Variants in HMCN2 observed in about 807,000 individuals in gnomAD.
The protein encoded by HMCN2 is hemicentin-2.
HMCN2 carries 325 observed loss-of-function variants against 377.5 expected under a neutral mutation model. The observed-to-expected ratio is 0.86, with a 90% CI of 0.79 to 0.94. HMCN2 has a LOEUF of 0.94. HMCN2 is among the 40% of genes least tolerant of loss of function. The pLI, the probability that HMCN2 is intolerant of heterozygous loss-of-function variation, is 0.00. For synonymous variants in HMCN2, 2,007 were observed against 2,046.8 expected (o/e 0.98, Z 0.53); for missense variants, 4,543 against 4,725.3 (o/e 0.96, Z 1.13).
At chr9:130,345,745 G>A (rs968641274) in intron 25 of HMCN2, among the ~76,000 whole-genome samples, 23,830 of 151,840 alleles carry the variant, frequency 0.16, 2,001 homozygotes, top group African/African-American at 0.2. Context: ...ACGGGCACAG[G>A]GGGATTCAGT....
In HMCN2 at chr9:130,308,498, G is replaced by T. The variant is rs1268531191; in HGVS notation, c.2200+932G>T. Among the ~76,000 whole-genome samples, 1 of 152,172 alleles carries T rather than the reference G, an allele frequency of 6.6e-6. No individual in the cohort carries two copies. Among genetic ancestry groups the T allele is most frequent in the Non-Finnish European group, 1.5e-5 (1 of 68,034 alleles). On this transcript the variant is annotated intron_variant, in intron 14 of 97. Coordinates refer to ENST00000683500, the MANE Select transcript of HMCN2 (RefSeq NM_001291815.2). The surrounding 1 kb of genome is among the most constrained non-coding windows in gnomAD (Gnocchi z 4.1). ...CAGTACGCTGGGCTCCCTCTCGAGG[G>T]TCAACCGGGGTCAGCAATACTGTCC...
intron 46 of HMCN2, among the ~76,000 whole-genome samples, chr9:130,371,414 G>GAAAAA (rs10659347): frequency 6.8e-6 from 1 of 147,014 alleles, no homozygotes; most frequent in Non-Finnish European, 1.5e-5. Context: ...AAGTCCTGCA[G>GAAAAA]AAAAAAAAAA....
chr9:130,318,386 G>C (rs1451334692), intron 15 of HMCN2, among the ~76,000 whole-genome samples: 1 of 152,202 alleles, frequency 6.6e-6, no homozygotes, highest in Non-Finnish European at 1.5e-5. Context: ...AGGGGCCTGG[G>C]ACAAGGACCT....
intron 85 of HMCN2, among the ~76,000 whole-genome samples, chr9:130,413,367 C>T (rs1161955088): frequency 1.3e-5 from 2 of 152,100 alleles, no homozygotes; most frequent in Non-Finnish European, 2.9e-5. Flanking sequence ...CACCATGGGG[C>T]GTGATGTTAG....
chr9:130,354,875 C>T lies in HMCN2; in HGVS notation c.4977C>T (p.Ser1659=), dbSNP rs1403715984. The T allele has an allele frequency of 1.2e-5, 16 of 1,304,308 alleles. No homozygotes were observed. Among genetic ancestry groups the T allele is most frequent in the Non-Finnish European group, 1.6e-5 (16 of 988,956 alleles). 80.8% of individuals were successfully genotyped at this position (1,304,308 alleles called of 1,614,324 possible). Reference sequence around the variant, plus strand: ...GAGGCCACCCGTCCCCCACCCTCTCCTGGCACCACGAGGGGCTGCCCGTGG... The same window carrying T: ...GAGGCCACCCGTCCCCCACCCTCTCTTGGCACCACGAGGGGCTGCCCGTGG... The part of the protein sequence containing the change: ...VARGHPSPTL[S]WHHEGLPVAE... Residue 1659 remains serine, a synonymous_variant, in exon 32 of 98, where the codon TCC becomes TCT. Transcript: ENST00000683500.
rs1836621262 is a variant in HMCN2, at chr9:130,303,277, A to G, written c.1422-210A>G. Among the ~76,000 whole-genome samples, 1 of 152,158 alleles carries G rather than the reference A, an allele frequency of 6.6e-6. No individual in the cohort carries two copies. Among genetic ancestry groups the G allele is most frequent in the Non-Finnish European group, 1.5e-5 (1 of 68,018 alleles). On this transcript the variant is annotated intron_variant, in intron 9 of 97. Transcript: ENST00000683500. The surrounding 1 kb of genome is among the most constrained non-coding windows in gnomAD (Gnocchi z 5.2). ...CATGTGTCAGGGCAGGAAGGATGGG[A>G]GCCCAGGACTCAGAGAGAGGAAGGG...
intron 31 of HMCN2, among the ~76,000 whole-genome samples, chr9:130,354,517 G>A (rs914973): frequency 0.28 from 42,856 of 152,106 alleles, 7,428 homozygotes; most frequent in East Asian, 0.53. Context: ...TGGGCTTGCC[G>A]GGGTAGCAGC....
In HMCN2 at chr9:130,393,911, G is replaced by T. The variant is rs987117093; in HGVS notation, c.10404G>T (p.Gln3468His). The change falls in exon 68 of 98, where the codon CAG (glutamine) becomes CAT (histidine). Residue 3468 changes from glutamine (Q) to histidine (H), a missense_variant. This residue lies in a region of HMCN2 where 1,073 missense variants were observed against 1,319.5 expected (regional missense o/e 0.81). Coordinates refer to ENST00000683500, the MANE Select transcript of HMCN2 (RefSeq NM_001291815.2). The surrounding 1 kb of genome is among the most constrained non-coding windows in gnomAD (Gnocchi z 5.2). ...GCCTCGAGCAGGGGCCCAGCCTGCA[G>T]CTGGAGGCAGTGGGAGCTGGTGACT... is the stretch of plus-strand genomic sequence containing the variant. ...SQSLEQGPSLQLEAVGAGDSG... is the reference protein window; with the variant it reads ...SQSLEQGPSLHLEAVGAGDSG... 7.8e-7 allele frequency: 1 copy of T among 1,289,468 alleles called. No homozygotes were observed. Among genetic ancestry groups the T allele is most frequent in the Admixed American group, 2.3e-5 (1 of 43,490 alleles). The allele number at this position is 1,289,468 out of a possible 1,614,324, so 79.9% of individuals were successfully genotyped here.
chr9:130,407,596 CA>C lies in HMCN2; in HGVS notation c.12580del (p.Ser4194AlafsTer35). ...AAGGGGTGTCTGAGCAGGATGGAGGCAGCACGCTGCAGCGGGCCGCTGTCTC... is the reference window on the plus strand; with the variant it reads ...AAGGGGTGTCTGAGCAGGATGGAGGCGCACGCTGCAGCGGGCCGCTGTCTC... ...TEGVSEQDGG[S>X]TLQRAAVSRE... On this transcript the variant is annotated frameshift_variant, in exon 83 of 98. Coordinates refer to ENST00000683500, the MANE Select transcript of HMCN2 (RefSeq NM_001291815.2). LOFTEE classifies it high-confidence loss of function. The C allele has an allele frequency of 7.8e-7, 1 of 1,289,444 alleles. No individual in the cohort carries two copies. The allele number at this position is 1,289,444 out of a possible 1,614,324, so 79.9% of individuals were successfully genotyped here.
chr9:130,272,441 A>C (rs952812749), intron 1 of HMCN2, among the ~76,000 whole-genome samples: 1 of 125,800 alleles, frequency 7.9e-6, no homozygotes, highest in Non-Finnish European at 1.9e-5. Flanking sequence ...GGGTTTCACT[A>C]TGTTGGCCAG....
At chr9:130,383,813 C>G (rs1387713204) in intron 57 of HMCN2, among the ~76,000 whole-genome samples, 3 of 152,166 alleles carry the variant, frequency 2.0e-5, no homozygotes, top group African/African-American at 7.2e-5. Context: ...TTGGAGATGG[C>G]CAGGCATTAC....
At chr9:130,354,398 G>C (rs141005036) in intron 31 of HMCN2, among the ~76,000 whole-genome samples, 208 of 152,332 alleles carry the variant, frequency 1.4e-3, no homozygotes, top group Non-Finnish European at 2.2e-3. Context: ...ACTTCCAGGA[G>C]CAGAGCTCTG....
chr9:130,366,957 T>C (rs1174063495), intron 43 of HMCN2, among the ~76,000 whole-genome samples: 1 of 152,130 alleles, frequency 6.6e-6, no homozygotes, highest in African/African-American at 2.4e-5. Context: ...TGGGGGGTTG[T>C]AGGATTTGCA....
In HMCN2 at chr9:130,394,497, G is replaced by T. The variant is rs1219270680; in HGVS notation, c.10614G>T (p.Trp3538Cys). ...AQGTPQPNIT[W>C]HKDGQALTRL... ...GCACCCCCCAGCCCAACATCACCTGGCATAAGGACGGGCAGGCCCTGACCA... is the reference window on the plus strand; with the variant it reads ...GCACCCCCCAGCCCAACATCACCTGTCATAAGGACGGGCAGGCCCTGACCA... Residue 3538 changes from tryptophan (W) to cysteine (C), a missense_variant, in exon 69 of 98, where the codon TGG (tryptophan) becomes TGT (cysteine). Trp to Cys is a radical substitution (Grantham distance 215). This residue lies in a region of HMCN2 where 1,073 missense variants were observed against 1,319.5 expected (regional missense o/e 0.81). Coordinates refer to ENST00000683500, the MANE Select transcript of HMCN2 (RefSeq NM_001291815.2). This position sits in a 1 kb window ranked among gnomAD's most constrained non-coding sequence, Gnocchi z 5.1. 11 of 1,289,736 alleles carry T rather than the reference G, an allele frequency of 8.5e-6. No homozygotes were observed. The Admixed American group carries it at 2.5e-4, about 30-fold the overall frequency. The allele number at this position is 1,289,736 out of a possible 1,614,324, so 79.9% of individuals were successfully genotyped here.
At chr9:130,410,352 CCT>C (rs1216748255) in intron 84 of HMCN2, among the ~76,000 whole-genome samples, 1 of 152,214 alleles carries the variant, frequency 6.6e-6, no homozygotes, top group Non-Finnish European at 1.5e-5. Flanking sequence ...GTCACAGCCC[CCT>C]GTTTTCGGGT....
chr9:130,394,005 A>G lies in HMCN2; in HGVS notation c.10498A>G (p.Met3500Val). 1 of 1,257,538 alleles carries G rather than the reference A, an allele frequency of 8.0e-7. No individual in the cohort carries two copies. The highest frequency in any genetic ancestry group is 1.0e-6 in the Non-Finnish European group (1 of 974,132). 77.9% of individuals were successfully genotyped at this position (1,257,538 alleles called of 1,614,324 possible). A position where few individuals can be genotyped will look rare whatever the true frequency, so the allele number is the denominator to read the frequency against. ...CAGGAGGCATTTCCAGCTGACCGTC[A>G]TGGGTGGGTCCTCTGGCCTCTGGCC... is the stretch of plus-strand genomic sequence containing the variant. Reference protein sequence around the residue: ...EARRHFQLTVMEPPHIEDSGQ... With the variant: ...EARRHFQLTVVEPPHIEDSGQ... Residue 3500 changes from methionine (M) to valine (V), a missense_variant, in exon 68 of 98, where the codon ATG becomes GTG. By Grantham distance (21) the Met-to-Val change is conservative. Coordinates refer to ENST00000683500, the MANE Select transcript of HMCN2 (RefSeq NM_001291815.2). This position sits in a 1 kb window ranked among gnomAD's most constrained non-coding sequence, Gnocchi z 5.1.
chr9:130,325,016 G>A (rs1838051487), intron 19 of HMCN2, among the ~76,000 whole-genome samples: 1 of 151,814 alleles, frequency 6.6e-6, no homozygotes, highest in Non-Finnish European at 1.5e-5. Flanking sequence ...AAATCCTCTG[G>A]GCTCTGCCTC....
At chr9:130,366,743 G>A (rs1001533950) in intron 43 of HMCN2, among the ~76,000 whole-genome samples, 1 of 151,996 alleles carries the variant, frequency 6.6e-6, no homozygotes, top group Admixed American at 6.6e-5. Context: ...ATGAGCCACA[G>A]CACCCAGCCC....
rs1195440986 is a variant in HMCN2 at position 130,399,566 on chromosome 9, C to T, written c.11539C>T (p.Gln3847Ter). ...GGCCCCCGGCCCCCAGGACTCAGCC[C>T]AGTTTGAATGCGTGGTGAGCAATGA... ...LTAPGPQDSA[Q>*]FECVVSNEVG... The change falls in exon 76 of 98, where the codon CAG (glutamine) becomes TAG (stop). Residue 3847 changes from glutamine to a stop codon, truncating the protein, a stop_gained. Coordinates refer to ENST00000683500, the MANE Select transcript of HMCN2 (RefSeq NM_001291815.2). LOFTEE classifies it high-confidence loss of function. The T allele has an allele frequency of 3.1e-6, 4 of 1,289,760 alleles. No homozygotes were observed. Among genetic ancestry groups the T allele is most frequent in the Non-Finnish European group, 4.0e-6 (4 of 988,792 alleles). The allele number at this position is 1,289,760 out of a possible 1,614,324, so 79.9% of individuals were successfully genotyped here.
Sources: allele counts gnomAD v4.1 joint callset (sites outside exome capture counted in the v4.1 genomes callset), GRCh38; gene constraint gnomAD v4.1.1; regional missense constraint gnomAD v4.1.1; non-coding constraint Gnocchi (gnomAD v3.1); transcripts MANE v1.5; gene names NCBI Gene and HGNC (gene_info 2026-07-23, HGNC 2026-07-21).